ASH1L: variants seen among roughly 807,000 people sequenced by gnomAD.
ASH1L encodes the protein ASH1 like histone lysine methyltransferase.
A neutral mutation model predicts 269.0 loss-of-function variants in ASH1L; 23 were observed. The ratio of observed to expected loss-of-function variants is 0.09; its 90% CI spans 0.06 to 0.12. ASH1L has a LOEUF of 0.12. Ranked by LOEUF, ASH1L falls within the 10% of genes least tolerant of loss-of-function variation. ASH1L has a pLI of 1.00. For synonymous variants in ASH1L, 1,187 were observed against 1,253.5 expected (o/e 0.95, Z 1.12); for missense variants, 2,912 against 3,567.8 (o/e 0.82, Z 4.68).
intron 5 of ASH1L, among the ~76,000 whole-genome samples, chr1:155,418,870 C>A (rs1008952297): frequency 1.3e-5 from 2 of 150,240 alleles, no homozygotes; most frequent in African/African-American, 4.9e-5. Flanking sequence ...GAGATTGTGA[C>A]CATCCTGGCT....
chr1:155,442,508 G>A lies in ASH1L; in HGVS notation c.5087-3440C>T, dbSNP rs556770862. 4.6e-5 allele frequency among the ~76,000 whole-genome samples: 7 copies of A among 150,784 alleles called. No individual in the cohort carries two copies. The East Asian group carries it at 1.4e-3, about 29-fold the overall frequency. ...TGAGGCAGGAGAATTGCTTGAACCT[G>A]GGAGGCAGAGGTTGCAGTGAGCCGA... On this transcript the variant is annotated intron_variant, in intron 4 of 27. Transcript: ENST00000392403.
chr1:155,503,402 T>C (rs1357651311), intron 2 of ASH1L, among the ~76,000 whole-genome samples: 1 of 152,192 alleles, frequency 6.6e-6, no homozygotes, highest in African/African-American at 2.4e-5. Context: ...TGCAAGCTTG[T>C]ATACTTTGAT....
chr1:155,401,387 A>G (rs569957667), intron 6 of ASH1L, among the ~76,000 whole-genome samples: 1 of 151,660 alleles, frequency 6.6e-6, no homozygotes, highest in South Asian at 2.1e-4. Context: ...CTGAGGCAGG[A>G]GAATTGCCTG....
chr1:155,543,983 A>G (rs1670623719), intron 1 of ASH1L, among the ~76,000 whole-genome samples: 1 of 152,170 alleles, frequency 6.6e-6, no homozygotes, highest in South Asian at 2.1e-4. Flanking sequence ...TCATGGATTT[A>G]TTTTTTATTT....
intron 2 of ASH1L, among the ~76,000 whole-genome samples, chr1:155,497,560 T>C (rs1667230873): frequency 6.6e-6 from 1 of 152,182 alleles, no homozygotes; most frequent in Admixed American, 6.5e-5. Flanking sequence ...ACATTAAATA[T>C]GTGTTAACAG....
In ASH1L at chr1:155,357,375, G is replaced by A. The variant is rs148906700; in HGVS notation, c.6996C>T (p.Ile2332=). Residue 2332 remains isoleucine, a synonymous_variant, in exon 15 of 28, where the codon ATC becomes ATT. Transcript: ENST00000392403. ...GHLSEEPSEN[I]NTPTRLTPQL... ...GGGGGGTCAATCTAGTTGGGGTGTT[G>A]ATATTTTCACTGGGTTCCTCAGAGA... 2.3e-4 allele frequency: 377 copies of A among 1,613,878 alleles called. 1 individual carries two copies. The African/African-American group carries it at 4.3e-3, about 18-fold the overall frequency.
intron 15 of ASH1L, among the ~76,000 whole-genome samples, chr1:155,354,936 A>C (rs1244105326): frequency 3.3e-5 from 5 of 152,224 alleles, no homozygotes; most frequent in African/African-American, 1.2e-4. Context: ...AAGATGAAGT[A>C]GGGTCTCAGG....
chr1:155,383,309 A>T (rs948890528), intron 7 of ASH1L, among the ~76,000 whole-genome samples: 1 of 152,210 alleles, frequency 6.6e-6, no homozygotes, highest in Non-Finnish European at 1.5e-5. Flanking sequence ...GTGATGTCCT[A>T]GGCCTTCACA....
chr1:155,500,309 G>T (rs192784351), intron 2 of ASH1L, among the ~76,000 whole-genome samples: 1 of 152,328 alleles, frequency 6.6e-6, no homozygotes, highest in Non-Finnish European at 1.5e-5. Context: ...CATAATTGCT[G>T]CTGCCATGGA....
intron 2 of ASH1L, among the ~76,000 whole-genome samples, chr1:155,486,395 G>A (rs190339148): frequency 6.6e-5 from 10 of 151,846 alleles, no homozygotes; most frequent in African/African-American, 1.7e-4. Context: ...AAAGAATCCC[G>A]GGGAGGTGGG....
chr1:155,504,854 C>CAAA (rs397860297), intron 2 of ASH1L, among the ~76,000 whole-genome samples: 1 of 77,140 alleles, frequency 1.3e-5, no homozygotes, highest in Non-Finnish European at 2.7e-5. Context: ...AACTCCATCT[C>CAAA]AAAAAAAAAA....
At chr1:155,511,669 C>G (rs1668170072) in intron 2 of ASH1L, among the ~76,000 whole-genome samples, 2 of 152,142 alleles carry the variant, frequency 1.3e-5, no homozygotes, top group South Asian at 4.1e-4. Context: ...CCACACCCAG[C>G]TAATTTCTGT....
At position 155,479,910 on chromosome 1, in the gene ASH1L, T is replaced by C; in HGVS notation, c.2960A>G (p.Asn987Ser). The C allele has an allele frequency of 6.2e-7, 1 of 1,613,484 alleles. No homozygotes were observed. The highest frequency in any genetic ancestry group is 8.5e-7 in the Non-Finnish European group (1 of 1,179,762). Residue 987 changes from asparagine (N) to serine (S), a missense_variant, in exon 3 of 28, where the codon AAT (asparagine) becomes AGT (serine). Around this residue, in one of 13 missense-constraint regions of ASH1L, gnomAD observed 715 missense variants for 721.0 expected, o/e 0.99. Transcript: ENST00000392403. ...QLMKTIIRKI[N>S]KMKTLKRKKL... ...CTTTCTCTTTAAAGTCTTCATTTTA[T>C]TTATTTTGCGGATAATTGTTTTCAT...
intron 7 of ASH1L, among the ~76,000 whole-genome samples, chr1:155,394,204 C>T (rs747884149): frequency 7.2e-5 from 11 of 152,024 alleles, no homozygotes; most frequent in Non-Finnish European, 1.5e-4. Context: ...GTATAATGAC[C>T]CTCCAGTGGG....
At chr1:155,426,436 C>T (rs990230393) in intron 5 of ASH1L, among the ~76,000 whole-genome samples, 3 of 151,830 alleles carry the variant, frequency 2.0e-5, no homozygotes, top group African/African-American at 2.4e-5. Flanking sequence ...CTCCTGACCT[C>T]GTGATCCGAC....
intron 19 of ASH1L, 125 bp from the exon 20 acceptor site, chr1:155,348,029 G>A (rs767426820): frequency 4.3e-6 from 5 of 1,151,322 alleles, no homozygotes; most frequent in East Asian, 2.4e-5. Context: ...ATTTTCAATA[G>A]TATCAAATAT....
At chr1:155,439,884 CTG>C (rs765580274) in intron 4 of ASH1L, among the ~76,000 whole-genome samples, 23 of 151,198 alleles carry the variant, frequency 1.5e-4, no homozygotes, top group Admixed American at 4.0e-4. Flanking sequence ...TATCATCAGA[CTG>C]TGGAATTTTT....
At chr1:155,511,650 C>T (rs1315068654) in intron 2 of ASH1L, among the ~76,000 whole-genome samples, 4 of 152,228 alleles carry the variant, frequency 2.6e-5, no homozygotes, top group South Asian at 2.1e-4. Flanking sequence ...GGACTACAGG[C>T]GTGAGCCACC....
At chr1:155,476,035 T>G (rs973238940) in intron 3 of ASH1L, among the ~76,000 whole-genome samples, 5 of 152,224 alleles carry the variant, frequency 3.3e-5, no homozygotes, top group African/African-American at 4.8e-5. Context: ...TAACTATTAC[T>G]GATTAAATAA....
Sources: gnomAD v4.1 joint callset for allele counts (sites outside exome capture counted in the v4.1 genomes callset) on GRCh38, gnomAD v4.1.1 for gene constraint, gnomAD v4.1.1 regional missense constraint, MANE v1.5 for transcripts, NCBI Gene and HGNC (gene_info 2026-07-23, HGNC 2026-07-21) for gene names.